RFX1: variants seen among roughly 807,000 people sequenced by gnomAD.
RFX1 encodes the protein MHC class II regulatory factor RFX1.
Under a neutral mutation model 119.6 loss-of-function variants are expected in RFX1, and 42 were observed. The observed-to-expected ratio is 0.35, with a 90% CI of 0.27 to 0.45. The LOEUF is 0.45. Among genes scored for constraint, RFX1 ranks in the 20% least tolerant of loss-of-function variants. The pLI, the probability that RFX1 is intolerant of heterozygous loss-of-function variation, is 1.00. For synonymous variants in RFX1, 628 were observed against 618.5 expected, an observed-to-expected ratio of 1.02 and a Z score of -0.23; for missense variants, 1,118 against 1,368.1, an observed-to-expected ratio of 0.82 and a Z score of 2.88.
At chr19:13,987,612 G>A (rs1187471543) in intron 2 of RFX1, among the ~76,000 whole-genome samples, 3 of 152,126 alleles carry the variant, frequency 2.0e-5, no homozygotes, top group Non-Finnish European at 2.9e-5. Context: ...CTGGCAGAGG[G>A]TCAGGGAGGA....
Position 13,962,780 on chromosome 19 carries a change from A to G in RFX1, c.2855T>C (p.Leu952Pro). The change falls in exon 21 of 21, where the codon CTG becomes CCG. Residue 952 changes from leucine (L) to proline (P), a missense_variant. Coordinates refer to ENST00000254325, the MANE Select transcript of RFX1 (RefSeq NM_002918.5). The part of the protein sequence containing the change: ...SLAAGGESPA[L>P]GPETLEPPAK... ...CGGCGGCTCCAGGGTCTCCGGGCCC[A>G]GCGCGGGTGACTCGCCGCCAGCCGC... 1 of 1,530,112 alleles carries G rather than the reference A, an allele frequency of 6.5e-7. No homozygotes were observed. The highest frequency in any genetic ancestry group is 8.7e-7 in the Non-Finnish European group (1 of 1,143,382). 94.8% of individuals were successfully genotyped at this position (1,530,112 alleles called of 1,614,324 possible). A position where few individuals can be genotyped will look rare whatever the true frequency, so the allele number is the denominator to read the frequency against.
Position 13,980,906 on chromosome 19 carries a change from T to TAA in RFX1, c.622-218_622-217insTT, listed in dbSNP as rs1234581459. On this transcript the variant is annotated intron_variant, in intron 5 of 20. Transcript: ENST00000254325. The surrounding 1 kb of genome is among the most constrained non-coding windows in gnomAD (Gnocchi z 5.1). ...AGTCAACTCCCAGCAATGATGGGGG[T>TAA]TTAACCCTCCCCAGCAAGGTTGGCT... is the stretch of plus-strand genomic sequence containing the variant. Among the ~76,000 whole-genome samples the TAA allele has an allele frequency of 6.6e-6, 1 of 152,058 alleles. No individual in the cohort carries two copies. Among genetic ancestry groups the TAA allele is most frequent in the Admixed American group, 6.6e-5 (1 of 15,264 alleles).
At chr19:14,001,906 C>T (rs1975229000) in intron 1 of RFX1, among the ~76,000 whole-genome samples, 1 of 152,184 alleles carries the variant, frequency 6.6e-6, no homozygotes. Flanking sequence ...GAGGCCAAAG[C>T]GTGTGGATCA....
chr19:13,962,979 A>G lies in RFX1; in HGVS notation c.2770+15T>C, dbSNP rs1472264267. The G allele has an allele frequency of 6.5e-7, 1 of 1,549,732 alleles. No homozygotes were observed. Among genetic ancestry groups the G allele is most frequent in the African/African-American group, 1.4e-5 (1 of 72,950 alleles). On this transcript the variant is annotated intron_variant, in intron 20 of 20. Transcript: ENST00000254325. ...CCCGGGACCCGCGCCCTGGGTGGGA[A>G]CACGCCTCGCCTACCTTTGTCGGGG...
chr19:13,979,920 G>A (rs1309134857), intron 6 of RFX1, among the ~76,000 whole-genome samples: 1 of 152,144 alleles, frequency 6.6e-6, no homozygotes, highest in Non-Finnish European at 1.5e-5. Flanking sequence ...GGGGCGCAGA[G>A]CCAGGGACGG....
intron 7 of RFX1, 70 bp downstream of exon 7, chr19:13,979,377 G>A: frequency 9.4e-7 from 1 of 1,062,672 alleles, no homozygotes; most frequent in South Asian, 1.9e-5. Flanking sequence ...CGGCCTCAGG[G>A]GCCTGCACTC....
chr19:13,977,992 A>ATGG lies in RFX1; in HGVS notation c.926_928dup (p.Ala309_Ile310insThr), dbSNP rs1974301887. 2 of 1,610,688 alleles carry ATGG rather than the reference A, an allele frequency of 1.2e-6. No individual in the cohort carries two copies. The highest frequency in any genetic ancestry group is 1.7e-6 in the Non-Finnish European group (2 of 1,177,818). Reference sequence around the variant, plus strand: ...CACCCACCCCTCTCCCTTCACTTACATGGCACTGGCCGTGTAGCTGGCATC... The same window carrying ATGG: ...CACCCACCCCTCTCCCTTCACTTACATGGTGGCACTGGCCGTGTAGCTGGCATC... On this transcript the variant is annotated inframe_insertion and splice_region_variant, in exon 8 of 21. Coordinates refer to ENST00000254325, the MANE Select transcript of RFX1 (RefSeq NM_002918.5).
chr19:13,983,006 TG>T, intron 4 of RFX1, 180 bp downstream of exon 4: 1 of 583,536 alleles, frequency 1.7e-6, no homozygotes, highest in Middle Eastern at 4.2e-4. Context: ...CTGTCCCTGA[TG>T]GCCCCTGCCG....
chr19:13,971,148 A>G (rs1481458363), intron 9 of RFX1, among the ~76,000 whole-genome samples: 1 of 152,080 alleles, frequency 6.6e-6, no homozygotes, highest in East Asian at 1.9e-4. Flanking sequence ...AGCCTGGCCA[A>G]CATGGTGAAA....
rs546917096 is a variant in RFX1 at position 14,005,823 on chromosome 19, C to G, written c.-53+280G>C. On this transcript the variant is annotated intron_variant, in intron 1 of 20. Coordinates refer to ENST00000254325, the MANE Select transcript of RFX1 (RefSeq NM_002918.5). ...CCCAGCCTCCCCAGGCCCGCCCCTT[C>G]GCGCTCCCGACATATAAAAGCCCCC... Among the ~76,000 whole-genome samples the G allele has an allele frequency of 4.5e-3, 682 of 150,750 alleles. 5 individuals carry two copies. The highest frequency in any genetic ancestry group is 7.7e-3 in the Non-Finnish European group (520 of 67,630).
rs754461637 is a variant in RFX1, at chr19:13,963,153, T to C, written c.2693A>G (p.Lys898Arg). 1.2e-6 allele frequency: 2 copies of C among 1,612,352 alleles called. No individual in the cohort carries two copies. Among genetic ancestry groups the C allele is most frequent in the Non-Finnish European group, 1.7e-6 (2 of 1,179,282 alleles). ...YLIEHRVAQA[K>R]GETPIAVMGE... ...CATGACGGCGATGGGGGTCTCGCCC[T>C]TGGCCTGGGCTACGCGGTGCTCGAT... The change falls in exon 19 of 21, where the codon AAG (lysine) becomes AGG (arginine). Residue 898 changes from lysine (K) to arginine (R), a missense_variant. Around this residue, in one of 5 missense-constraint regions of RFX1, gnomAD observed 138 missense variants for 117.8 expected, o/e 1.17. Transcript: ENST00000254325.
chr19:13,965,468 T>G lies in RFX1; in HGVS notation c.2192A>C (p.Glu731Ala), dbSNP rs1447474224. 6.2e-7 allele frequency: 1 copy of G among 1,613,752 alleles called. No homozygotes were observed. The change falls in exon 16 of 21, where the codon GAG becomes GCG. Residue 731 changes from glutamate to alanine, a missense_variant. Physicochemically the swap from Glu to Ala is moderately radical, Grantham distance 107 (BLOSUM62 -1). This residue lies in a region of RFX1 where 338 missense variants were observed against 508.9 expected (regional missense o/e 0.66). Transcript: ENST00000254325. The surrounding 1 kb of genome is among the most constrained non-coding windows in gnomAD (Gnocchi z 4.7). ...TCTCACCTTCACCCGCAGCATCTCC[T>G]CGGGGATGTTGACCATGGCGTGGGT... ...WLTHAMVNIPEEMLRVKVAAA... is the reference protein window; with the variant it reads ...WLTHAMVNIPAEMLRVKVAAA...
At position 13,963,622 on chromosome 19, in the gene RFX1, A is replaced by C; in HGVS notation, c.2486T>G (p.Val829Gly). 1 of 1,602,250 alleles carries C rather than the reference A, an allele frequency of 6.2e-7. No homozygotes were observed. ...CTGGTAGGGCTTGAGCACCTGGCTC[A>C]CCACGCCGTCCAGCCAGGCCGCCCA... ...EQWAAWLDGV[V>G]SQVLKPYQGS... The change falls in exon 18 of 21, where the codon GTG becomes GGG. Residue 829 changes from valine to glycine, a missense_variant. This residue lies in a region of RFX1 where 68 missense variants were observed against 67.2 expected (regional missense o/e 1.01). Transcript: ENST00000254325.
At chr19:13,998,537 C>T (rs1255859032) in intron 1 of RFX1, among the ~76,000 whole-genome samples, 1 of 151,900 alleles carries the variant, frequency 6.6e-6, no homozygotes, top group African/African-American at 2.4e-5. Flanking sequence ...ACCCAATAAA[C>T]ACTGATAAGT....
At chr19:13,988,085 G>A (rs905956726) in intron 2 of RFX1, among the ~76,000 whole-genome samples, 1 of 146,426 alleles carries the variant, frequency 6.8e-6, no homozygotes, top group African/African-American at 2.6e-5. Context: ...GGAGCGCAAT[G>A]ACATGATCTC....
In RFX1 at chr19:13,962,590, C is replaced by A; in HGVS notation, c.*105G>T. ...TCTTCCCTGTCTCGGAGTCCCCCTCCCTGCCCTGGCTGAGGCTGGAGCAGT... is the reference window on the plus strand; with the variant it reads ...TCTTCCCTGTCTCGGAGTCCCCCTCACTGCCCTGGCTGAGGCTGGAGCAGT... On this transcript the variant is annotated 3_prime_UTR_variant, in exon 21 of 21. Transcript: ENST00000254325. 5 of 984,126 alleles carry A rather than the reference C, an allele frequency of 5.1e-6. No homozygotes were observed. The highest frequency in any genetic ancestry group is 7.2e-6 in the Non-Finnish European group (5 of 697,830). 61.0% of individuals were successfully genotyped at this position (984,126 alleles called of 1,614,324 possible). A position where few individuals can be genotyped will look rare whatever the true frequency, so the allele number is the denominator to read the frequency against.
intron 1 of RFX1, among the ~76,000 whole-genome samples, chr19:14,001,135 TC>T: frequency 6.6e-6 from 1 of 152,052 alleles, no homozygotes. Context: ...CCCCACCTCT[TC>T]CTCCCACCTG....
rs193117980 is a variant in RFX1, at chr19:13,965,615, C to T, written c.2113+11G>A. ...GTGGGGCAGGGGATGCCGAGCAGGC[C>T]GAGCACTCACTGGGGATGGGCCGCA... On this transcript the variant is annotated intron_variant, in intron 15 of 20. Coordinates refer to ENST00000254325, the MANE Select transcript of RFX1 (RefSeq NM_002918.5). The surrounding 1 kb of genome is among the most constrained non-coding windows in gnomAD (Gnocchi z 4.7). 10,085 of 1,612,798 alleles carry T rather than the reference C, an allele frequency of 6.3e-3. 51 individuals carry two copies. The highest frequency in any genetic ancestry group is 7.8e-3 in the Non-Finnish European group (9,243 of 1,179,570).
At position 13,966,407 on chromosome 19, in the gene RFX1, C is replaced by T. The variant is rs982159864; in HGVS notation, c.1961+14G>A. 31 of 1,565,660 alleles carry T rather than the reference C, an allele frequency of 2.0e-5. No individual in the cohort carries two copies. Among genetic ancestry groups the T allele is most frequent in the Middle Eastern group, 1.7e-4 (1 of 5,940 alleles). ...TCCCCCCTCTCCCTCCCACAGTCGC[C>T]GGGCAGTACTCACACAGCCAGCGGT... On this transcript the variant is annotated intron_variant, in intron 14 of 20. Transcript: ENST00000254325. This position sits in a 1 kb window ranked among gnomAD's most constrained non-coding sequence, Gnocchi z 6.3.
Sources: gnomAD v4.1 joint callset for allele counts (sites outside exome capture counted in the v4.1 genomes callset) on GRCh38, gnomAD v4.1.1 for gene constraint, gnomAD v4.1.1 regional missense constraint, Gnocchi (gnomAD v3.1) non-coding constraint, MANE v1.5 for transcripts, NCBI Gene and HGNC (gene_info 2026-07-23, HGNC 2026-07-21) for gene names.